The following ARHGAP26 variants were observed in gnomAD, a reference collection of about 807,000 sequenced individuals.
ARHGAP26 encodes Rho GTPase activating protein 26.
A neutral mutation model predicts 104.8 loss-of-function variants in ARHGAP26; 38 were observed. That is an observed-to-expected ratio of 0.36 (90% CI 0.28 to 0.48). The LOEUF is 0.48. Ranked by LOEUF, ARHGAP26 falls within the 20% of genes least tolerant of loss-of-function variation. ARHGAP26 has a pLI of 0.99. For synonymous variants in ARHGAP26, 341 were observed against 340.0 expected (o/e 1.00, Z -0.03); for missense variants, 704 against 947.9 (o/e 0.74, Z 3.38).
chr5:143,195,894 A>T (rs907528645), intron 20 of ARHGAP26, among the ~76,000 whole-genome samples: 1 of 152,094 alleles, frequency 6.6e-6, no homozygotes, highest in East Asian at 1.9e-4. Context: ...AAGCACAAAA[A>T]CTTTGCGTAT....
intron 20 of ARHGAP26, among the ~76,000 whole-genome samples, chr5:143,201,001 A>G (rs1807632921): frequency 6.6e-6 from 1 of 152,252 alleles, no homozygotes; most frequent in South Asian, 2.1e-4. Context: ...TACTTGAACT[A>G]TCAGCCACAA....
intron 11 of ARHGAP26, among the ~76,000 whole-genome samples, chr5:143,008,433 T>C (rs1778284459): frequency 6.6e-6 from 1 of 152,224 alleles, no homozygotes; most frequent in Non-Finnish European, 1.5e-5. Flanking sequence ...TATTCGATGG[T>C]GTAGAACCAG....
At chr5:143,016,831 T>G (rs1398452201) in intron 12 of ARHGAP26, among the ~76,000 whole-genome samples, 2 of 152,194 alleles carry the variant, frequency 1.3e-5, no homozygotes, top group African/African-American at 4.8e-5. Flanking sequence ...TTCCTCACCC[T>G]TTTTTGAGTT....
intron 11 of ARHGAP26, among the ~76,000 whole-genome samples, chr5:142,987,942 T>C (rs1046839122): frequency 6.6e-6 from 1 of 152,222 alleles, no homozygotes; most frequent in Non-Finnish European, 1.5e-5. Context: ...ATCAGGGATA[T>C]TGGCCTAAAA....
intron 1 of ARHGAP26, among the ~76,000 whole-genome samples, chr5:142,806,515 T>C (rs1174780926): frequency 2.0e-5 from 3 of 151,674 alleles, no homozygotes; most frequent in Non-Finnish European, 4.4e-5. Flanking sequence ...GTGTTTAGTT[T>C]AAGTTGGTTG....
chr5:142,901,274 C>G (rs1040894016), intron 6 of ARHGAP26, among the ~76,000 whole-genome samples: 5 of 152,108 alleles, frequency 3.3e-5, no homozygotes, highest in South Asian at 4.1e-4. Context: ...ACGGGCTTAC[C>G]TTTTAGCCTG....
chr5:142,972,755 A>G (rs1260513862), intron 11 of ARHGAP26, among the ~76,000 whole-genome samples: 1 of 151,848 alleles, frequency 6.6e-6, no homozygotes, highest in Non-Finnish European at 1.5e-5. Flanking sequence ...CTCATCCTAT[A>G]TATTTGCTAC....
chr5:143,170,596 A>G (rs1802636715), intron 20 of ARHGAP26: 1 of 152,246 alleles, frequency 6.6e-6, no homozygotes, highest in African/African-American at 2.4e-5. Flanking sequence ...GATAATTCAC[A>G]TTAAGGAAGC....
intron 9 of ARHGAP26, among the ~76,000 whole-genome samples, chr5:142,912,792 G>C (rs183125865): frequency 2.6e-5 from 4 of 152,164 alleles, no homozygotes; most frequent in Non-Finnish European, 5.9e-5. Flanking sequence ...TTGTGAACAC[G>C]TTCTGGGGAT....
At chr5:142,836,567 A>G (rs1175253936) in intron 1 of ARHGAP26, among the ~76,000 whole-genome samples, 1 of 152,160 alleles carries the variant, frequency 6.6e-6, no homozygotes, top group Non-Finnish European at 1.5e-5. Flanking sequence ...GGCATCACTG[A>G]GTATTTTGAG....
Position 143,134,124 on chromosome 5 carries a change from G to T in ARHGAP26, c.1837+19G>T. 1 of 1,594,604 alleles carries T rather than the reference G, an allele frequency of 6.3e-7. No homozygotes were observed. The highest frequency in any genetic ancestry group is 8.6e-7 in the Non-Finnish European group (1 of 1,168,944). On this transcript the variant is annotated intron_variant, in intron 19 of 22. Coordinates refer to ENST00000645722, the MANE Select transcript of ARHGAP26 (RefSeq NM_001135608.3). ...GAGAAACGTGAGTCTTTGCTGCATAGGGCCAGCGTGGCATTCAGGGACATC... is the reference window on the plus strand; with the variant it reads ...GAGAAACGTGAGTCTTTGCTGCATATGGCCAGCGTGGCATTCAGGGACATC...
intron 5 of ARHGAP26, among the ~76,000 whole-genome samples, chr5:142,892,024 G>A (rs543001866): frequency 5.9e-5 from 9 of 151,792 alleles, no homozygotes; most frequent in South Asian, 2.1e-4. Flanking sequence ...AATTGTACCC[G>A]CTCGTGGGCC....
chr5:142,859,387 T>TA lies in ARHGAP26; in HGVS notation c.155-14009dup, dbSNP rs1447383623. Among the ~76,000 whole-genome samples the TA allele has an allele frequency of 2.6e-5, 4 of 152,336 alleles. No homozygotes were observed. The East Asian group carries it at 7.7e-4, about 29-fold the overall frequency. On this transcript the variant is annotated intron_variant, in intron 1 of 22. Transcript: ENST00000645722. ...TTCAAAAAGCAGACATAAGTACTGT[T>TA]AAAAGCATTAAAATAGAAAGCTGTT...
At chr5:143,136,866 A>G (rs1442624082) in intron 19 of ARHGAP26, among the ~76,000 whole-genome samples, 1 of 152,262 alleles carries the variant, frequency 6.6e-6, no homozygotes, top group Non-Finnish European at 1.5e-5. Context: ...GGTAACGATT[A>G]TGCAAATGTA....
intron 11 of ARHGAP26, among the ~76,000 whole-genome samples, chr5:142,983,433 T>C (rs1410339709): frequency 6.6e-6 from 1 of 152,228 alleles, no homozygotes. Flanking sequence ...CTTGAACTCC[T>C]GACCTCAAGT....
chr5:142,869,473 C>T (rs995935216), intron 1 of ARHGAP26, among the ~76,000 whole-genome samples: 1 of 152,062 alleles, frequency 6.6e-6, no homozygotes, highest in Admixed American at 6.5e-5. Flanking sequence ...CCCGCCTTGG[C>T]CTCCCGGAAC....
In ARHGAP26 at chr5:143,089,134, G is replaced by A. The variant is rs1791041294; in HGVS notation, c.1538+31387G>A. Among the ~76,000 whole-genome samples the A allele has an allele frequency of 2.0e-5, 3 of 152,308 alleles. No individual in the cohort carries two copies. The South Asian group carries it at 6.2e-4, about 32-fold the overall frequency. On this transcript the variant is annotated intron_variant, in intron 17 of 22. Transcript: ENST00000645722. Reference sequence around the variant, plus strand: ...CTTATATCTAACAATCCCTCCTCTTGCATTTCCTTACAGCTTTCTTTTTAA... The same window carrying A: ...CTTATATCTAACAATCCCTCCTCTTACATTTCCTTACAGCTTTCTTTTTAA...
In ARHGAP26 at chr5:142,921,103, A is replaced by G. The variant is rs115359613; in HGVS notation, c.1028+7810A>G. Among the ~76,000 whole-genome samples the G allele has an allele frequency of 2.4e-3, 371 of 152,318 alleles. 2 individuals are homozygous for G. The highest frequency in any genetic ancestry group is 8.0e-3 in the African/African-American group (331 of 41,570). ...TCCTTGTTTTGCAAGCTTTCCATGAATAGGTAAAGGGCAGTAGCTCTCCTC... is the reference window on the plus strand; with the variant it reads ...TCCTTGTTTTGCAAGCTTTCCATGAGTAGGTAAAGGGCAGTAGCTCTCCTC... On this transcript the variant is annotated intron_variant, in intron 10 of 22. Transcript: ENST00000645722.
intron 20 of ARHGAP26, among the ~76,000 whole-genome samples, chr5:143,205,551 G>C (rs576066816): frequency 2.0e-5 from 3 of 152,328 alleles, no homozygotes; most frequent in African/African-American, 7.2e-5. Context: ...TGGTTAAGAA[G>C]AATTCTAATG....
Sources: gnomAD v4.1 joint callset for allele counts (sites outside exome capture counted in the v4.1 genomes callset) on GRCh38, gnomAD v4.1.1 for gene constraint, MANE v1.5 for transcripts, NCBI Gene and HGNC (gene_info 2026-07-23, HGNC 2026-07-21) for gene names.